SLC24A2: variants seen among roughly 807,000 people sequenced by gnomAD.
The protein encoded by SLC24A2 is solute carrier family 24 member 2.
In SLC24A2, 36 loss-of-function variants were observed where a neutral mutation model predicts 62.0. The ratio of observed to expected loss-of-function variants is 0.58; its 90% CI spans 0.44 to 0.77. The LOEUF is 0.77. Ranked by LOEUF, SLC24A2 falls within the 30% of genes least tolerant of loss-of-function variation. SLC24A2 has a pLI of 0.00. For synonymous variants in SLC24A2, 358 were observed against 294.0 expected, an observed-to-expected ratio of 1.22 and a Z score of -2.23; for missense variants, 846 against 817.9, an observed-to-expected ratio of 1.03 and a Z score of -0.42.
At chr9:19,542,942 T>TG (rs1476807798) in intron 8 of SLC24A2, among the ~76,000 whole-genome samples, 1 of 152,194 alleles carries the variant, frequency 6.6e-6, no homozygotes, top group Admixed American at 6.5e-5. Context: ...AGGATGATGC[T>TG]GGCCTTGTAA....
chr9:20,258,968 G>A, the SLC24A2 span, among the ~76,000 whole-genome samples: 5 of 152,084 alleles, frequency 3.3e-5, no homozygotes, highest in Non-Finnish European at 5.9e-5. Context: ...GAAGGGGAGA[G>A]TATGCTGGAT....
At chr9:19,979,093 T>C in the SLC24A2 span, among the ~76,000 whole-genome samples, 5 of 152,286 alleles carry the variant, frequency 3.3e-5, no homozygotes, top group African/African-American at 9.6e-5. Flanking sequence ...ACGAGCCCAG[T>C]GAATGCAAGT....
intron 2 of SLC24A2, among the ~76,000 whole-genome samples, chr9:19,623,162 C>T (rs1012508546): frequency 5.3e-5 from 8 of 152,176 alleles, no homozygotes; most frequent in East Asian, 3.8e-4. Flanking sequence ...TCGCCAGAAC[C>T]GGGGACCACC....
At chr9:19,583,649 C>T (rs1315672934) in intron 5 of SLC24A2, among the ~76,000 whole-genome samples, 1 of 152,146 alleles carries the variant, frequency 6.6e-6, no homozygotes, top group African/African-American at 2.4e-5. Flanking sequence ...GACCTCCAAG[C>T]CCATGGCCCC....
rs1836638892 is a variant in SLC24A2 at position 19,594,176 on chromosome 9, G to A, written c.1129+3053C>T. Among the ~76,000 whole-genome samples the A allele has an allele frequency of 3.3e-5, 5 of 151,922 alleles. No individual in the cohort carries two copies. In the South Asian group the frequency reaches 1.0e-3, roughly 32 times the overall value. ...AGCAATCTTTCCTCCCCTGTAGCCT[G>A]TCATCTTCTGAACACCTGTGGTACT... On this transcript the variant is annotated intron_variant, in intron 5 of 10. Transcript: ENST00000341998.
chr9:19,795,372 C>T, the SLC24A2 span, among the ~76,000 whole-genome samples: 1 of 150,706 alleles, frequency 6.6e-6, no homozygotes, highest in East Asian at 2.0e-4. Context: ...ACAACAGTGA[C>T]AGTTCCTCTC....
chr9:20,245,534 C>G, the SLC24A2 span, among the ~76,000 whole-genome samples: 1 of 152,110 alleles, frequency 6.6e-6, no homozygotes, highest in East Asian at 1.9e-4. Context: ...AGAAGCAGTT[C>G]ATCAAAGGCT....
the SLC24A2 span, among the ~76,000 whole-genome samples, chr9:20,002,849 A>G: frequency 7.9e-5 from 12 of 152,302 alleles, no homozygotes; most frequent in African/African-American, 2.4e-4. Flanking sequence ...TCCACATAAC[A>G]GGGTTTTTCT....
At chr9:20,204,320 G>A in the SLC24A2 span, among the ~76,000 whole-genome samples, 1 of 152,154 alleles carries the variant, frequency 6.6e-6, no homozygotes, top group Admixed American at 6.5e-5. Context: ...AATTTAGCTG[G>A]AAAAAGAGAC....
upstream of SLC24A2, among the ~76,000 whole-genome samples, chr9:19,790,125 T>G (rs567612487): frequency 1.8e-4 from 28 of 152,098 alleles, no homozygotes; most frequent in African/African-American, 6.3e-4. Flanking sequence ...CTTTCGAGAC[T>G]GAATCTTGCT....
chr9:19,666,868 C>G (rs1464470492), intron 2 of SLC24A2, among the ~76,000 whole-genome samples: 5 of 152,112 alleles, frequency 3.3e-5, no homozygotes, highest in African/African-American at 1.2e-4. Flanking sequence ...GACATTTTAT[C>G]TTTTCTAAAG....
chr9:20,136,782 A>G, the SLC24A2 span, among the ~76,000 whole-genome samples: 1 of 152,164 alleles, frequency 6.6e-6, no homozygotes, highest in Non-Finnish European at 1.5e-5. Context: ...TTATTTTCTC[A>G]GCTGTCTTAC....
intron 2 of SLC24A2, among the ~76,000 whole-genome samples, chr9:19,756,425 T>C (rs1705377035): frequency 1.3e-5 from 2 of 152,254 alleles, no homozygotes; most frequent in Admixed American, 6.5e-5. Context: ...AGCTTAGCTA[T>C]TGATATTCTA....
chr9:20,256,327 T>G, the SLC24A2 span, among the ~76,000 whole-genome samples: 3 of 152,134 alleles, frequency 2.0e-5, no homozygotes, highest in East Asian at 5.8e-4. Flanking sequence ...GACCTCTAGT[T>G]GCAACCAGCT....
At chr9:20,057,896 A>G in the SLC24A2 span, among the ~76,000 whole-genome samples, 2 of 152,182 alleles carry the variant, frequency 1.3e-5, no homozygotes, top group Non-Finnish European at 2.9e-5. Context: ...ATGATATGAA[A>G]CTACATCATC....
chr9:20,251,083 G>A, the SLC24A2 span, among the ~76,000 whole-genome samples: 2,634 of 152,322 alleles, frequency 0.017, 85 homozygotes, highest in African/African-American at 0.06. Flanking sequence ...TAGAGAAGAA[G>A]GCAGTGAAAA....
chr9:20,162,604 G>C, the SLC24A2 span, among the ~76,000 whole-genome samples: 1 of 152,018 alleles, frequency 6.6e-6, no homozygotes, highest in African/African-American at 2.4e-5. Context: ...AATAGAAAAA[G>C]AGGGAATCCT....
chr9:19,613,191 A>G (rs1817667639), intron 4 of SLC24A2, among the ~76,000 whole-genome samples: 1 of 152,144 alleles, frequency 6.6e-6, no homozygotes, highest in African/African-American at 2.4e-5. Context: ...CAAGGTGGTA[A>G]TTTTCACCCC....
the SLC24A2 span, among the ~76,000 whole-genome samples, chr9:20,267,169 T>G: frequency 6.6e-6 from 1 of 152,180 alleles, no homozygotes; most frequent in African/African-American, 2.4e-5. Flanking sequence ...CAGACCCAAT[T>G]TGGAAAATGC....
Sources: gnomAD v4.1 joint callset for allele counts (sites outside exome capture counted in the v4.1 genomes callset) on GRCh38, gnomAD v4.1.1 for gene constraint, MANE v1.5 for transcripts, NCBI Gene and HGNC (gene_info 2026-07-23, HGNC 2026-07-21) for gene names.